Variants in HDAC9 observed in about 807,000 individuals in gnomAD.
The protein encoded by HDAC9 is histone deacetylase 9, also known as MEF-2 interacting transcription repressor (MITR) protein.
HDAC9 carries 41 observed loss-of-function variants against 139.4 expected under a neutral mutation model. The ratio of observed to expected loss-of-function variants is 0.29; its 90% confidence interval spans 0.23 to 0.38. HDAC9 has a LOEUF of 0.38. Among genes scored for constraint, HDAC9 ranks in the 10% least tolerant of loss-of-function variants. HDAC9 has a pLI of 1.00. For synonymous variants in HDAC9, 517 were observed against 476.2 expected, an observed-to-expected ratio of 1.09 and a Z score of -1.12; for missense variants, 1,147 against 1,297.0, an observed-to-expected ratio of 0.88 and a Z score of 1.78.
At chr7:18,431,264 T>C (rs1790633100) in intron 1 of HDAC9, among the ~76,000 whole-genome samples, 1 of 152,278 alleles carries the variant, frequency 6.6e-6, no homozygotes, top group African/African-American at 2.4e-5. Flanking sequence ...CGAAATAATA[T>C]ATTAAATGTT....
intron 2 of HDAC9, among the ~76,000 whole-genome samples, chr7:18,537,125 T>A (rs1027494913): frequency 1.3e-5 from 2 of 152,178 alleles, no homozygotes; most frequent in African/African-American, 4.8e-5. Flanking sequence ...ATTTTAAGTG[T>A]ATCCTGAATA....
At chr7:18,132,796 T>C (rs996605648) in intron 1 of HDAC9, among the ~76,000 whole-genome samples, 1 of 152,192 alleles carries the variant, frequency 6.6e-6, no homozygotes, top group Non-Finnish European at 1.5e-5. Context: ...GATTGGTTTT[T>C]AGTAAGGTGA....
At chr7:18,278,218 CTG>C (rs759427822) in intron 2 of HDAC9, among the ~76,000 whole-genome samples, 2 of 152,208 alleles carry the variant, frequency 1.3e-5, no homozygotes, top group Non-Finnish European at 2.9e-5. Flanking sequence ...TATCAGAACA[CTG>C]TGATCTGTGA....
intron 1 of HDAC9, among the ~76,000 whole-genome samples, chr7:18,467,560 A>G (rs977619003): frequency 2.0e-5 from 3 of 152,188 alleles, no homozygotes; most frequent in African/African-American, 7.2e-5. Flanking sequence ...TATTACCGTA[A>G]CTATAAATGA....
At chr7:18,678,316 T>C (rs1428097444) in intron 12 of HDAC9, among the ~76,000 whole-genome samples, 1 of 151,900 alleles carries the variant, frequency 6.6e-6, no homozygotes, top group Non-Finnish European at 1.5e-5. Context: ...GTTTTCTCTG[T>C]GTACATCCTT....
intron 2 of HDAC9, among the ~76,000 whole-genome samples, chr7:18,546,147 C>A (rs1586889548): frequency 6.6e-6 from 1 of 152,138 alleles, no homozygotes; most frequent in African/African-American, 2.4e-5. Flanking sequence ...CATGCCCTAG[C>A]CTAATGATTG....
chr7:18,110,261 T>A (rs1783520161), intron 1 of HDAC9, among the ~76,000 whole-genome samples: 1 of 152,222 alleles, frequency 6.6e-6, no homozygotes, highest in Non-Finnish European at 1.5e-5. Flanking sequence ...TAGTCTATTT[T>A]GGGCAGAAGT....
intron 1 of HDAC9, among the ~76,000 whole-genome samples, chr7:18,461,904 G>A (rs1451570519): frequency 6.6e-6 from 1 of 152,090 alleles, no homozygotes; most frequent in Non-Finnish European, 1.5e-5. Context: ...CAGACATTCA[G>A]CTAGACAGCT....
chr7:18,396,079 A>ATTCCCTTCCCTTCGC (rs1787006217), intron 1 of HDAC9, among the ~76,000 whole-genome samples: 23 of 46,514 alleles, frequency 4.9e-4, no homozygotes, highest in African/African-American at 1.4e-3. Context: ...TCAAAGTGTC[A>ATTCCCTTCCCTTCGC]TTCCCTTCCC....
At chr7:18,707,259 A>G (rs1783999195) in intron 12 of HDAC9, among the ~76,000 whole-genome samples, 1 of 152,234 alleles carries the variant, frequency 6.6e-6, no homozygotes. Flanking sequence ...ACAGAAAAGT[A>G]TCTTTAACAT....
At chr7:18,703,134 C>A (rs1238016640) in intron 12 of HDAC9, among the ~76,000 whole-genome samples, 8 of 151,068 alleles carry the variant, frequency 5.3e-5, no homozygotes, top group Admixed American at 1.3e-4. Flanking sequence ...TAAAGCCAAT[C>A]AAAAAAAACA....
intron 1 of HDAC9, among the ~76,000 whole-genome samples, chr7:18,398,707 A>G (rs1439252662): frequency 6.6e-6 from 1 of 152,158 alleles, no homozygotes; most frequent in East Asian, 1.9e-4. Context: ...AGTTTAGCCA[A>G]TTCTGATGCA....
chr7:18,412,906 T>C (rs113259325), intron 1 of HDAC9, among the ~76,000 whole-genome samples: 1 of 152,308 alleles, frequency 6.6e-6, no homozygotes, highest in African/African-American at 2.4e-5. Context: ...ATTAAATGAA[T>C]ATTGATTTTA....
rs74888237 is a variant in HDAC9, at chr7:18,390,748, C to T, written c.-42+100233C>T. On this transcript the variant is annotated intron_variant, in intron 1 of 3. Transcript: ENST00000413509. Reference sequence around the variant, plus strand: ...AAGTGACTTATGAGAATATATCTGTCCCCAGCTTCTCTGTGAAACAATAAG... The same window carrying T: ...AAGTGACTTATGAGAATATATCTGTTCCCAGCTTCTCTGTGAAACAATAAG... 5.8e-3 allele frequency among the ~76,000 whole-genome samples: 887 copies of T among 152,290 alleles called. 9 individuals carry two copies. The highest frequency in any genetic ancestry group is 0.02 in the African/African-American group (841 of 41,546).
chr7:18,833,706 T>G (rs557144403), intron 19 of HDAC9, among the ~76,000 whole-genome samples: 3 of 152,292 alleles, frequency 2.0e-5, no homozygotes, highest in African/African-American at 7.2e-5. Context: ...CTGAAACAAC[T>G]TTCTGGGATG....
At chr7:18,890,288 T>G (rs1432046180) in intron 22 of HDAC9, among the ~76,000 whole-genome samples, 2 of 152,224 alleles carry the variant, frequency 1.3e-5, no homozygotes, top group Non-Finnish European at 2.9e-5. Flanking sequence ...CAGTTCTAGA[T>G]CTGTGTTTTG....
intron 22 of HDAC9, among the ~76,000 whole-genome samples, chr7:18,917,732 C>G (rs1426570339): frequency 6.6e-6 from 1 of 151,782 alleles, no homozygotes; most frequent in East Asian, 1.9e-4. Context: ...GTTACTATCC[C>G]CGATTTATTG....
intron 11 of HDAC9, among the ~76,000 whole-genome samples, chr7:18,659,159 G>A (rs1180105647): frequency 6.6e-6 from 1 of 151,990 alleles, no homozygotes; most frequent in Admixed American, 6.6e-5. Flanking sequence ...ATATTTGTTG[G>A]GATGCAAAGG....
At chr7:18,611,067 T>G (rs1382383265) in intron 6 of HDAC9, among the ~76,000 whole-genome samples, 1 of 152,202 alleles carries the variant, frequency 6.6e-6, no homozygotes, top group Non-Finnish European at 1.5e-5. Flanking sequence ...ATGTAAGATT[T>G]ATGAGATGAA....
Sources: gnomAD v4.1 joint callset for allele counts (sites outside exome capture counted in the v4.1 genomes callset) on GRCh38, gnomAD v4.1.1 for gene constraint, MANE v1.5 for transcripts, NCBI Gene and HGNC (gene_info 2026-07-23, HGNC 2026-07-21) for gene names.